RSRC2: variants seen among roughly 807,000 people sequenced by gnomAD.
The protein encoded by RSRC2 is arginine/serine-rich coiled-coil protein 2.
In RSRC2, 5 loss-of-function variants were observed where a neutral mutation model predicts 61.3. That is an observed-to-expected ratio of 0.08 (90% CI 0.04 to 0.17). RSRC2 has a LOEUF of 0.17. Ranked by LOEUF, RSRC2 falls within the 10% of genes least tolerant of loss-of-function variation. The pLI is 1.00. For synonymous variants in RSRC2, 202 were observed against 166.5 expected, an observed-to-expected ratio of 1.21 and a Z score of -1.64; for missense variants, 381 against 518.8, an observed-to-expected ratio of 0.73 and a Z score of 2.58.
Position 122,518,856 on chromosome 12 carries a change from T to C in RSRC2, c.381A>G (p.Arg127=), listed in dbSNP as rs749541116. 6.2e-7 allele frequency: 1 copy of C among 1,613,996 alleles called. No homozygotes were observed. The highest frequency in any genetic ancestry group is 8.5e-7 in the Non-Finnish European group (1 of 1,179,880). Residue 127 remains arginine (R), a synonymous_variant, in exon 4 of 10, where the codon AGA becomes AGG. Coordinates refer to ENST00000331738, the MANE Select transcript of RSRC2 (RefSeq NM_023012.6). ...RKSSRGRSHS[R]SRSRERRHRS... Reference sequence around the variant, plus strand: ...TGACTTACCTTTCACGAGACCTAGATCTTGAGTGACTTCTGCCTCTTGATG... The same window carrying C: ...TGACTTACCTTTCACGAGACCTAGACCTTGAGTGACTTCTGCCTCTTGATG...
intron 2 of RSRC2, 58 bp from the exon 3 acceptor site, chr12:122,521,486 T>TA: frequency 1.4e-6 from 2 of 1,453,372 alleles, no homozygotes; most frequent in Non-Finnish European, 1.9e-6. Flanking sequence ...CATTTCATCT[T>TA]AAAAAACTCT....
chr12:122,514,270 G>T (rs71444559), intron 6 of RSRC2, among the ~76,000 whole-genome samples: 79,818 of 134,738 alleles, frequency 0.59, 24,154 homozygotes, highest in African/African-American at 0.7. Context: ...GTGTGTGTGT[G>T]TTTTTTTTTT....
At position 122,522,302 on chromosome 12, in the gene RSRC2, A is replaced by G; in HGVS notation, c.7-3T>C. 6.3e-7 allele frequency: 1 copy of G among 1,576,640 alleles called. No homozygotes were observed. Among genetic ancestry groups the G allele is most frequent in the South Asian group, 1.2e-5 (1 of 84,160 alleles). On this transcript the variant is annotated splice_region_variant and splice_polypyrimidine_tract_variant and intron_variant, in intron 1 of 9. Transcript: ENST00000331738. ...CCATCTCGCTCTGTATCACTAGCCT[A>G]AAAGTTTAAAAACAAATGATTAAAG... is the stretch of plus-strand genomic sequence containing the variant.
At chr12:122,510,872 T>A (rs914628464) in intron 7 of RSRC2, among the ~76,000 whole-genome samples, 1 of 151,196 alleles carries the variant, frequency 6.6e-6, no homozygotes, top group African/African-American at 2.4e-5. Flanking sequence ...TAGTGAAAGG[T>A]CCTCTCTACA....
At chr12:122,509,840 GTTTT>G (rs1226554667) in intron 7 of RSRC2, among the ~76,000 whole-genome samples, 3 of 151,924 alleles carry the variant, frequency 2.0e-5, no homozygotes, top group South Asian at 2.1e-4. Context: ...TTTTGTTTTT[GTTTT>G]TTTCTTTTTC....
intron 1 of RSRC2, chr12:122,523,302 G>A (rs1959512050): frequency 6.6e-6 from 1 of 152,126 alleles, no homozygotes; most frequent in African/African-American, 2.4e-5. Context: ...GATAACCTGA[G>A]GTCAGGAGTT....
At chr12:122,518,783 G>A in intron 4 of RSRC2, 56 bp downstream of exon 4, 1 of 1,395,526 alleles carries the variant, frequency 7.2e-7, no homozygotes, top group South Asian at 1.2e-5. Context: ...CTGGGTCAAT[G>A]AGAAACTTTA....
intron 5 of RSRC2, among the ~76,000 whole-genome samples, chr12:122,516,608 A>G (rs1958947718): frequency 6.6e-6 from 1 of 152,222 alleles, no homozygotes; most frequent in African/African-American, 2.4e-5. Context: ...AAGGAGTTCT[A>G]GCATACAGCA....
chr12:122,518,737 A>T lies in RSRC2; in HGVS notation c.398+102T>A. ...AACCACAAACCCAAACAAACGAACA[A>T]GAAAAACTCCCTAATTATGATTTTT... On this transcript the variant is annotated intron_variant, in intron 4 of 9. Coordinates refer to ENST00000331738, the MANE Select transcript of RSRC2 (RefSeq NM_023012.6). 2.1e-6 allele frequency: 2 copies of T among 935,400 alleles called. 1 individual carries two copies. The highest frequency in any genetic ancestry group is 3.1e-5 in the South Asian group (2 of 64,556). 57.9% of individuals were successfully genotyped at this position (935,400 alleles called of 1,614,324 possible). A position where few individuals can be genotyped will look rare whatever the true frequency, so the allele number is the denominator to read the frequency against.
rs542262304 is a variant in RSRC2, at chr12:122,505,522, C to T, written c.*5G>A. ...AAGTCCCAAACTTTACAAGTGTGAT[C>T]ATTTTCAAACTGCATCCATTCCTCG... On this transcript the variant is annotated 3_prime_UTR_variant, in exon 10 of 10. Transcript: ENST00000331738. 4.8e-5 allele frequency: 77 copies of T among 1,612,450 alleles called. No homozygotes were observed. Among genetic ancestry groups the T allele is most frequent in the Admixed American group, 3.2e-4 (19 of 59,868 alleles).
intron 6 of RSRC2, among the ~76,000 whole-genome samples, chr12:122,512,523 T>C (rs979580695): frequency 6.6e-6 from 1 of 151,684 alleles, no homozygotes; most frequent in African/African-American, 2.4e-5. Flanking sequence ...AGGTCAGGAG[T>C]TAGAGTCCAG....
intron 7 of RSRC2, among the ~76,000 whole-genome samples, chr12:122,510,269 T>G (rs1221894255): frequency 2.0e-5 from 3 of 152,106 alleles, no homozygotes; most frequent in East Asian, 1.9e-4. Context: ...TGGTGGCTCA[T>G]GCCTGTAATC....
chr12:122,526,831 T>C lies in RSRC2; in HGVS notation c.6+17A>G. 6.2e-7 allele frequency: 1 copy of C among 1,614,142 alleles called. No individual in the cohort carries two copies. The highest frequency in any genetic ancestry group is 8.5e-7 in the Non-Finnish European group (1 of 1,179,978). ...CAGAAAAATATCCCTGGCTTTAAAC[T>C]CAGATTCGGTACCTACCGCCATAGT... On this transcript the variant is annotated intron_variant, in intron 1 of 9. Coordinates refer to ENST00000331738, the MANE Select transcript of RSRC2 (RefSeq NM_023012.6).
At chr12:122,521,578 A>T (rs974197792) in intron 2 of RSRC2, 150 bp from the exon 3 acceptor site, 1 of 669,460 alleles carries the variant, frequency 1.5e-6, no homozygotes, top group Non-Finnish European at 2.7e-6. Flanking sequence ...ATTCTACATT[A>T]ATACAACACA....
rs747942191 is a variant in RSRC2, at chr12:122,517,422, C to T, written c.407G>A (p.Arg136His). ...CTTCTTCCGCTCCCTGCTTCTACTACGATGGCGTCTGAAATTAAAGTGCAC... is the reference window on the plus strand; with the variant it reads ...CTTCTTCCGCTCCCTGCTTCTACTATGATGGCGTCTGAAATTAAAGTGCAC... ...SRSRSRERRH[R>H]SRSRERKKSR... The change falls in exon 5 of 10, where the codon CGT (arginine) becomes CAT (histidine). Residue 136 changes from arginine to histidine, a missense_variant. Arg to His is a conservative substitution (Grantham distance 29). This residue lies in a region of RSRC2 where 266 missense variants were observed against 270.5 expected (regional missense o/e 0.98). Coordinates refer to ENST00000331738, the MANE Select transcript of RSRC2 (RefSeq NM_023012.6). The T allele has an allele frequency of 5.0e-6, 8 of 1,614,032 alleles. No homozygotes were observed. The highest frequency in any genetic ancestry group is 3.3e-5 in the Admixed American group (2 of 59,992).
At chr12:122,512,175 T>C (rs901096466) in intron 6 of RSRC2, among the ~76,000 whole-genome samples, 1 of 152,202 alleles carries the variant, frequency 6.6e-6, no homozygotes. Flanking sequence ...AATTCACTAA[T>C]GAGTATGCAC....
At chr12:122,516,529 C>G (rs1367791822) in intron 5 of RSRC2, among the ~76,000 whole-genome samples, 1 of 152,174 alleles carries the variant, frequency 6.6e-6, no homozygotes, top group African/African-American at 2.4e-5. Context: ...ATTTCTTAAA[C>G]GTCTTTAAGC....
In RSRC2 at chr12:122,519,073, A is replaced by G. The variant is rs1171997615; in HGVS notation, c.208-44T>C. ...GGTTCTTTCAGGAAAATAGTGCAAC[A>G]AAGAGAGTTAGTATGGGTATCAGTA... On this transcript the variant is annotated intron_variant, in intron 3 of 9. Coordinates refer to ENST00000331738, the MANE Select transcript of RSRC2 (RefSeq NM_023012.6). 5.2e-6 allele frequency: 8 copies of G among 1,547,202 alleles called. No individual in the cohort carries two copies. The Admixed American group carries it at 1.2e-4, about 23-fold the overall frequency.
intron 5 of RSRC2, among the ~76,000 whole-genome samples, chr12:122,515,860 G>T (rs1015160733): frequency 6.6e-6 from 1 of 152,016 alleles, no homozygotes; most frequent in Non-Finnish European, 1.5e-5. Context: ...GTGATGCTGG[G>T]TGCCTGTAAT....
Sources: gnomAD v4.1 joint callset for allele counts (sites outside exome capture counted in the v4.1 genomes callset) on GRCh38, gnomAD v4.1.1 for gene constraint, gnomAD v4.1.1 regional missense constraint, MANE v1.5 for transcripts, NCBI Gene and HGNC (gene_info 2026-07-23, HGNC 2026-07-21) for gene names.